The following IKBKB variants were observed in gnomAD, a reference collection of about 807,000 sequenced individuals.
The protein encoded by IKBKB is inhibitor of nuclear factor kappa B kinase subunit beta.
IKBKB carries 42 observed loss-of-function variants against 113.6 expected under a neutral mutation model. The observed-to-expected ratio is 0.37, with a 90% CI of 0.29 to 0.48. The LOEUF is 0.48. Ranked by LOEUF, IKBKB falls within the 20% of genes least tolerant of loss-of-function variation. The pLI, the probability that IKBKB is intolerant of heterozygous loss-of-function variation, is 0.99. For synonymous variants in IKBKB, 296 were observed against 361.3 expected, an observed-to-expected ratio of 0.82 and a Z score of 2.05; for missense variants, 673 against 939.7, an observed-to-expected ratio of 0.72 and a Z score of 3.71.
intron 20 of IKBKB, among the ~76,000 whole-genome samples, chr8:42,327,681 G>A (rs1821043792): frequency 6.9e-6 from 1 of 144,474 alleles, no homozygotes; most frequent in Non-Finnish European, 1.5e-5. Flanking sequence ...TGCCTAGGCT[G>A]GAGTGCTATG....
chr8:42,318,862 G>A (rs1585776229), intron 13 of IKBKB, 187 bp downstream of exon 13: 2 of 593,502 alleles, frequency 3.4e-6, no homozygotes, highest in South Asian at 2.2e-5. Context: ...TAGACCTGGC[G>A]AGGTGAGTGT....
intron 19 of IKBKB, chr8:42,325,724 A>T: frequency 7.8e-7 from 1 of 1,283,842 alleles, no homozygotes; most frequent in Non-Finnish European, 9.9e-7. Context: ...CTGCAAATTA[A>T]TGTAGGCACC....
chr8:42,329,989 G>T, intron 21 of IKBKB: 1 of 985,448 alleles, frequency 1.0e-6, no homozygotes, highest in Non-Finnish European at 1.2e-6. Context: ...TCCTCCTCCA[G>T]TCTGTGGACA....
rs543633173 is a variant in IKBKB at position 42,279,114 on chromosome 8, C to T, written c.105+6909C>T. Among the ~76,000 whole-genome samples, 162 of 152,308 alleles carry T rather than the reference C, an allele frequency of 1.1e-3. 6 individuals are homozygous for T. In the South Asian group the frequency reaches 0.032, roughly 30 times the overall value. On this transcript the variant is annotated intron_variant, in intron 2 of 21. Transcript: ENST00000520810. ...CTGCAGGTCCTCAATGATGCCTACC[C>T]GTGAGCCCGGCCCAGGCCAGGAAGC...
chr8:42,312,864 AT>A (rs1472901745), intron 8 of IKBKB, among the ~76,000 whole-genome samples: 5 of 152,156 alleles, frequency 3.3e-5, no homozygotes, highest in African/African-American at 1.2e-4. Context: ...TTTTATTTGA[AT>A]TTCCTAGATG....
intron 4 of IKBKB, 70 bp from the exon 5 acceptor site, chr8:42,293,373 A>G (rs1813053015): frequency 2.5e-6 from 4 of 1,596,634 alleles, no homozygotes; most frequent in Middle Eastern, 1.7e-4. Context: ...ATGGGCTGGT[A>G]AGAGACATGT....
chr8:42,318,460 A>C, intron 12 of IKBKB, 92 bp from the exon 13 acceptor site: 1 of 1,432,872 alleles, frequency 7.0e-7, no homozygotes, highest in Non-Finnish European at 9.6e-7. Flanking sequence ...ACAAAACGTG[A>C]AAGTGCCAGT....
At chr8:42,304,218 A>C (rs1390022210) in intron 5 of IKBKB, among the ~76,000 whole-genome samples, 1 of 152,248 alleles carries the variant, frequency 6.6e-6, no homozygotes, top group Non-Finnish European at 1.5e-5. Flanking sequence ...CTACATCTCC[A>C]AATCTATCTC....
intron 2 of IKBKB, among the ~76,000 whole-genome samples, chr8:42,277,518 G>A (rs1809427497): frequency 1.3e-5 from 2 of 152,086 alleles, no homozygotes; most frequent in South Asian, 4.1e-4. Context: ...CCAAAAGCCA[G>A]CTTCCTCCTC....
chr8:42,324,419 C>A (rs1271560120), intron 19 of IKBKB, among the ~76,000 whole-genome samples: 2 of 152,128 alleles, frequency 1.3e-5, no homozygotes, highest in Non-Finnish European at 2.9e-5. Flanking sequence ...CTCATGCCCC[C>A]ACACCTGGCT....
chr8:42,279,036 AAC>A (rs1809788448), intron 2 of IKBKB, among the ~76,000 whole-genome samples: 1 of 151,970 alleles, frequency 6.6e-6, no homozygotes, highest in East Asian at 1.9e-4. Flanking sequence ...GGGTGGAATT[AAC>A]AGCGCTTAGT....
Position 42,325,926 on chromosome 8 carries a change from G to C in IKBKB, c.1987-44G>C, listed in dbSNP as rs773949938. On this transcript the variant is annotated intron_variant, in intron 19 of 21. Transcript: ENST00000520810. ...ATACTGTGGCGTGAATGCAAAATGT[G>C]ATTCATCACTTGGCTCCTAATTTCT... The C allele has an allele frequency of 9.3e-6, 15 of 1,611,616 alleles. 1 individual carries two copies. The South Asian group carries it at 1.7e-4, about 18-fold the overall frequency.
intron 2 of IKBKB, among the ~76,000 whole-genome samples, chr8:42,278,824 G>A (rs1029384775): frequency 4.8e-4 from 73 of 152,180 alleles, no homozygotes; most frequent in Non-Finnish European, 1.8e-4. Flanking sequence ...GAGAAACCCC[G>A]TCTCTACTAA....
At chr8:42,288,196 C>T (rs889943204) in intron 2 of IKBKB, among the ~76,000 whole-genome samples, 15 of 151,884 alleles carry the variant, frequency 9.9e-5, no homozygotes, top group African/African-American at 3.4e-4. Flanking sequence ...AGACTAGCCT[C>T]ACCAACATGG....
intron 19 of IKBKB, 195 bp from the exon 20 acceptor site, chr8:42,325,775 C>T (rs990305156): frequency 2.1e-5 from 29 of 1,411,764 alleles, no homozygotes; most frequent in East Asian, 8.0e-5. Flanking sequence ...CAAAAGTCTC[C>T]GTTGATACAG....
At chr8:42,278,911 T>C (rs1809747972) in intron 2 of IKBKB, among the ~76,000 whole-genome samples, 1 of 152,152 alleles carries the variant, frequency 6.6e-6, no homozygotes, top group Non-Finnish European at 1.5e-5. Flanking sequence ...GGAGAATTAC[T>C]TGAACCCAGG....
At chr8:42,329,320 T>C in intron 21 of IKBKB, 106 bp downstream of exon 21, 1 of 1,401,370 alleles carries the variant, frequency 7.1e-7, no homozygotes. Context: ...CCTCAGTGTT[T>C]GTTTGTTTGC....
At chr8:42,324,804 C>T in intron 19 of IKBKB, 1 of 153,538 alleles carries the variant, frequency 6.5e-6, no homozygotes, top group Non-Finnish European at 1.4e-5. Context: ...CAGGGCCTGG[C>T]TGGGAGGGAG....
intron 2 of IKBKB, among the ~76,000 whole-genome samples, chr8:42,273,139 G>A (rs1003234824): frequency 7.9e-5 from 12 of 151,650 alleles, no homozygotes; most frequent in Admixed American, 2.0e-4. Flanking sequence ...TTTAAATGTC[G>A]GGTGCAGTGG....
Sources: gnomAD v4.1 joint callset for allele counts (sites outside exome capture counted in the v4.1 genomes callset) on GRCh38, gnomAD v4.1.1 for gene constraint, MANE v1.5 for transcripts, NCBI Gene and HGNC (gene_info 2026-07-23, HGNC 2026-07-21) for gene names.